The following ACOXL variants were observed in gnomAD, a reference collection of about 807,000 sequenced individuals.
The protein encoded by ACOXL is acyl-coenzyme A oxidase-like protein.
A neutral mutation model predicts 71.9 loss-of-function variants in ACOXL; 70 were observed. The observed-to-expected ratio is 0.97, with a 90% CI of 0.80 to 1.19. The LOEUF (loss-of-function observed/expected upper bound fraction) is 1.19, where lower values mean the gene tolerates loss of function less well. Ranked by LOEUF, ACOXL falls within the 50% of genes most tolerant of loss-of-function variation. The probability of loss-of-function intolerance (pLI) is 0.00; values close to 1 mark genes in which losing one functional copy is unlikely to be tolerated. For synonymous variants in ACOXL, 253 were observed against 281.6 expected, an observed-to-expected ratio of 0.90 and a Z score of 1.02; for missense variants, 703 against 736.3, an observed-to-expected ratio of 0.95 and a Z score of 0.52.
intron 13 of ACOXL, among the ~76,000 whole-genome samples, chr2:110,991,874 G>A (rs1456513261): frequency 1.3e-5 from 2 of 152,132 alleles, no homozygotes; most frequent in African/African-American, 4.8e-5. Context: ...TGAGTAGGAC[G>A]TTTACAGTAT....
At chr2:110,823,101 A>AAATT (rs1485560393) in intron 9 of ACOXL, among the ~76,000 whole-genome samples, 6 of 152,042 alleles carry the variant, frequency 3.9e-5, no homozygotes, top group South Asian at 4.1e-4. Flanking sequence ...AAAAATACAA[A>AAATT]AATTAGCTGG....
chr2:111,117,512 G>C, intron 17 of ACOXL, 104 bp from the exon 18 acceptor site: 1 of 1,221,250 alleles, frequency 8.2e-7, no homozygotes, highest in South Asian at 1.3e-5. Flanking sequence ...ACTAGTTTCC[G>C]GGGCCGCTGT....
rs192888421 is a variant in ACOXL, at chr2:110,751,240, G to T, written c.-22-17128G>T. Among the ~76,000 whole-genome samples, 698 of 149,428 alleles carry T rather than the reference G, an allele frequency of 4.7e-3. 7 individuals carry two copies. The highest frequency in any genetic ancestry group is 0.016 in the African/African-American group (665 of 40,396). ...GGCGTGAACCTGGGAGGCGGAGCTT[G>T]CAGTGAGCCGAGATCGTGCCACTGC... On this transcript the variant is annotated intron_variant, in intron 1 of 17. Coordinates refer to ENST00000439055, the MANE Select transcript of ACOXL (RefSeq NM_001142807.4).
intron 1 of ACOXL, among the ~76,000 whole-genome samples, chr2:110,748,238 G>A (rs917395326): frequency 2.0e-5 from 3 of 152,148 alleles, no homozygotes; most frequent in Admixed American, 6.5e-5. Context: ...CGTGGTGCAG[G>A]TGCCTAATGA....
chr2:110,963,545 G>A, intron 12 of ACOXL: 1 of 1,545,262 alleles, frequency 6.5e-7, no homozygotes, highest in African/African-American at 1.4e-5. Flanking sequence ...CCTATGTAGT[G>A]ATGGGATCGC....
intron 2 of ACOXL, among the ~76,000 whole-genome samples, chr2:110,777,824 T>C (rs56814172): frequency 0.12 from 18,959 of 152,178 alleles, 3,168 homozygotes; most frequent in African/African-American, 0.38. Context: ...GTCCTCATGA[T>C]AGCACCTGGG....
intron 15 of ACOXL, among the ~76,000 whole-genome samples, chr2:111,034,293 G>A (rs911596929): frequency 6.6e-6 from 1 of 152,178 alleles, no homozygotes; most frequent in African/African-American, 2.4e-5. Context: ...TTTTATTACT[G>A]CTAATCACTA....
At chr2:110,769,226 AAAAGAAAGAAAGAAAGAAAG>A (rs10599265) in intron 2 of ACOXL, among the ~76,000 whole-genome samples, 2 of 148,616 alleles carry the variant, frequency 1.3e-5, no homozygotes, top group Non-Finnish European at 3.0e-5. Flanking sequence ...GCCTCATGAA[AAAAGAAAGAAAGAAAGAAAG>A]AAAGAAAGAA....
intron 12 of ACOXL, chr2:110,963,743 A>G (rs752169051): frequency 6.8e-6 from 11 of 1,612,602 alleles, no homozygotes; most frequent in Non-Finnish European, 9.3e-6. Flanking sequence ...TTCAAGATCA[A>G]GAGTTATCCA....
intron 7 of ACOXL, among the ~76,000 whole-genome samples, chr2:110,800,792 G>C (rs982703454): frequency 7.2e-5 from 11 of 152,088 alleles, no homozygotes; most frequent in African/African-American, 2.4e-4. Flanking sequence ...TGTATCTCCC[G>C]GGGGTGACCG....
At chr2:110,895,959 A>G (rs1288834139) in intron 10 of ACOXL, among the ~76,000 whole-genome samples, 1 of 152,174 alleles carries the variant, frequency 6.6e-6, no homozygotes, top group Non-Finnish European at 1.5e-5. Flanking sequence ...AGCAAAACAA[A>G]CAAAAAACAC....
intron 10 of ACOXL, among the ~76,000 whole-genome samples, chr2:110,870,522 A>C (rs1286925296): frequency 1.3e-5 from 2 of 152,152 alleles, no homozygotes; most frequent in Admixed American, 6.5e-5. Flanking sequence ...GTGCAGGATA[A>C]AGTTTAAATA....
intron 11 of ACOXL, among the ~76,000 whole-genome samples, chr2:110,917,467 G>A (rs2059907243): frequency 6.6e-6 from 1 of 152,190 alleles, no homozygotes; most frequent in African/African-American, 2.4e-5. Context: ...GGCAAAAACT[G>A]GAAGCATTCC....
intron 12 of ACOXL, among the ~76,000 whole-genome samples, chr2:110,956,838 A>T (rs1444431057): frequency 6.6e-6 from 1 of 152,240 alleles, no homozygotes; most frequent in African/African-American, 2.4e-5. Flanking sequence ...CCATATACAA[A>T]GTTTGGATCA....
At chr2:110,839,134 T>A (rs1275598071) in intron 9 of ACOXL, among the ~76,000 whole-genome samples, 1 of 149,042 alleles carries the variant, frequency 6.7e-6, no homozygotes, top group Non-Finnish European at 1.5e-5. Context: ...TTTTCTGTGT[T>A]TTTTTTTTTT....
intron 16 of ACOXL, among the ~76,000 whole-genome samples, chr2:111,085,498 A>T (rs1482385396): frequency 6.6e-6 from 1 of 152,244 alleles, no homozygotes; most frequent in Admixed American, 6.5e-5. Flanking sequence ...CAATGAAATT[A>T]AGGCAGATTT....
At chr2:110,831,489 C>T (rs1177833660) in intron 9 of ACOXL, among the ~76,000 whole-genome samples, 1 of 152,160 alleles carries the variant, frequency 6.6e-6, no homozygotes. Flanking sequence ...CATGTTTATA[C>T]ATTGGAAGAC....
intron 1 of ACOXL, among the ~76,000 whole-genome samples, chr2:110,767,749 A>G (rs1387484454): frequency 1.3e-5 from 2 of 152,040 alleles, no homozygotes; most frequent in Non-Finnish European, 2.9e-5. Context: ...ATCTCAGACA[A>G]TTTTCAAAGG....
At chr2:111,092,707 T>C (rs953195361) in intron 16 of ACOXL, among the ~76,000 whole-genome samples, 158 bp from the exon 17 acceptor site, 2 of 152,250 alleles carry the variant, frequency 1.3e-5, no homozygotes, top group Non-Finnish European at 2.9e-5. Context: ...AAACCTATAC[T>C]GCACATCCAA....
Sources: allele counts gnomAD v4.1 joint callset (sites outside exome capture counted in the v4.1 genomes callset), GRCh38; gene constraint gnomAD v4.1.1; transcripts MANE v1.5; gene names NCBI Gene and HGNC (gene_info 2026-07-23, HGNC 2026-07-21).